Variants in PDE8B observed in about 807,000 individuals in gnomAD.
PDE8B encodes high affinity cAMP-specific and IBMX-insensitive 3',5'-cyclic phosphodiesterase 8B.
A neutral mutation model predicts 101.3 loss-of-function variants in PDE8B; 26 were observed. The observed-to-expected ratio is 0.26, with a 90% CI of 0.19 to 0.36. The LOEUF (loss-of-function observed/expected upper bound fraction) is 0.36. PDE8B is among the 10% of genes least tolerant of loss of function. The probability of loss-of-function intolerance (pLI) is 1.00; values close to 1 mark genes in which losing one functional copy is unlikely to be tolerated. For missense variants in PDE8B, 810 were observed against 1,163.1 expected, an observed-to-expected ratio of 0.70 and a Z score of 4.42; for synonymous variants, 424 against 429.3, an observed-to-expected ratio of 0.99 and a Z score of 0.15.
At chr5:77,426,053 C>T in intron 21 of PDE8B, 157 bp downstream of exon 21, 1 of 701,848 alleles carries the variant, frequency 1.4e-6, no homozygotes, top group Non-Finnish European at 2.5e-6. Flanking sequence ...GCATTCTTTG[C>T]ATCCCCAGCA....
upstream of PDE8B, among the ~76,000 whole-genome samples, chr5:77,209,736 G>C (rs542064709): frequency 9.9e-4 from 151 of 152,292 alleles, no homozygotes; most frequent in African/African-American, 3.5e-3. Context: ...AGTTGACATG[G>C]GCGGCTGGAC....
intron 1 of PDE8B, among the ~76,000 whole-genome samples, chr5:77,225,906 A>G (rs1232687576): frequency 2.0e-5 from 3 of 151,586 alleles, no homozygotes; most frequent in Admixed American, 1.3e-4. Context: ...TCAGAATACC[A>G]GTGATCAACA....
chr5:77,128,323 A>C, the PDE8B span, among the ~76,000 whole-genome samples: 5 of 152,198 alleles, frequency 3.3e-5, no homozygotes, highest in Admixed American at 2.0e-4. Flanking sequence ...CTACCTGCAA[A>C]GTATGCTTAG....
the PDE8B span, chr5:77,087,232 A>C: frequency 6.6e-6 from 1 of 152,312 alleles, no homozygotes; most frequent in Non-Finnish European, 1.5e-5. Context: ...CGTGCCCCTT[A>C]AAGACACAGC....
intron 1 of PDE8B, among the ~76,000 whole-genome samples, chr5:77,307,493 G>A (rs1771505152): frequency 6.6e-6 from 1 of 152,166 alleles, no homozygotes; most frequent in Admixed American, 6.5e-5. Context: ...TTCTCTGAAT[G>A]AAATGATGTA....
intron 10 of PDE8B, among the ~76,000 whole-genome samples, chr5:77,394,475 C>G (rs931051308): frequency 1.3e-5 from 2 of 152,150 alleles, no homozygotes; most frequent in Non-Finnish European, 2.9e-5. Flanking sequence ...CCCATATGCC[C>G]TAGTAAATGA....
At chr5:77,145,154 T>C in the PDE8B span, 1 of 152,060 alleles carries the variant, frequency 6.6e-6, no homozygotes, top group African/African-American at 2.4e-5. Flanking sequence ...TTTTAAATGC[T>C]ACAAATGCCT....
Position 77,325,522 on chromosome 5 carries a change from T to C in PDE8B, c.400-17T>C. ...GATGATGATTTATTTCAAGATGCCC[T>C]TTTTGTTGTGTTTCAGGTTTTGCTG... On this transcript the variant is annotated splice_polypyrimidine_tract_variant and intron_variant, in intron 2 of 21. Transcript: ENST00000264917. 6.2e-7 allele frequency: 1 copy of C among 1,611,796 alleles called. No homozygotes were observed. The highest frequency in any genetic ancestry group is 8.5e-7 in the Non-Finnish European group (1 of 1,177,836).
the PDE8B span, among the ~76,000 whole-genome samples, chr5:77,089,974 TC>T: frequency 6.6e-6 from 1 of 152,170 alleles, no homozygotes; most frequent in Non-Finnish European, 1.5e-5. Context: ...AAGAATGAAA[TC>T]CTGTCATTTG....
At chr5:77,090,897 G>A in the PDE8B span, among the ~76,000 whole-genome samples, 9 of 152,152 alleles carry the variant, frequency 5.9e-5, no homozygotes, top group South Asian at 1.9e-3. Flanking sequence ...ACTTCTTGGA[G>A]ATAGTATTTT....
chr5:77,400,580 C>T (rs1445745878), intron 11 of PDE8B, among the ~76,000 whole-genome samples: 9 of 152,042 alleles, frequency 5.9e-5, no homozygotes, highest in African/African-American at 2.2e-4. Context: ...GAGAGTGGGC[C>T]GAAAGTCTAG....
chr5:77,357,530 C>T (rs1171785976), intron 10 of PDE8B, among the ~76,000 whole-genome samples: 1 of 152,164 alleles, frequency 6.6e-6, no homozygotes, highest in East Asian at 1.9e-4. Context: ...AGGAGACTGC[C>T]CCACAGTTCT....
chr5:77,351,625 A>G (rs1490656829), intron 9 of PDE8B, among the ~76,000 whole-genome samples: 2 of 152,174 alleles, frequency 1.3e-5, no homozygotes, highest in South Asian at 2.1e-4. Context: ...AGCTGAGGGC[A>G]TCTCAATCCA....
At chr5:77,092,578 C>T in the PDE8B span, 1 of 152,144 alleles carries the variant, frequency 6.6e-6, no homozygotes, top group African/African-American at 2.4e-5. Context: ...TTTACTCTCC[C>T]TATTCTCTTC....
chr5:77,276,347 C>A (rs535140987), intron 1 of PDE8B, among the ~76,000 whole-genome samples: 1 of 152,336 alleles, frequency 6.6e-6, no homozygotes, highest in East Asian at 1.9e-4. Context: ...GCTCAAAGGC[C>A]TCTACCTCAG....
the PDE8B span, among the ~76,000 whole-genome samples, chr5:77,185,530 A>G: frequency 2.0e-5 from 3 of 152,126 alleles, no homozygotes; most frequent in East Asian, 5.8e-4. Context: ...ATACAGTTAC[A>G]TTCTGAGGTA....
intron 16 of PDE8B, 126 bp from the exon 17 acceptor site, chr5:77,412,985 T>C: frequency 1.2e-6 from 1 of 820,022 alleles, no homozygotes; most frequent in East Asian, 2.4e-5. Context: ...AGGAGATGCT[T>C]TTAAACCCCT....
At chr5:77,255,806 C>A (rs897767972) in intron 1 of PDE8B, among the ~76,000 whole-genome samples, 3 of 152,196 alleles carry the variant, frequency 2.0e-5, no homozygotes, top group Non-Finnish European at 4.4e-5. Flanking sequence ...TGGGGCCTCT[C>A]GTCTACTACA....
chr5:77,149,780 A>G, the PDE8B span, among the ~76,000 whole-genome samples: 205 of 152,300 alleles, frequency 1.3e-3, no homozygotes, highest in African/African-American at 4.7e-3. Context: ...TTCTATACGC[A>G]AGATTATGCC....
Sources: allele counts gnomAD v4.1 joint callset (sites outside exome capture counted in the v4.1 genomes callset), GRCh38; gene constraint gnomAD v4.1.1; transcripts MANE v1.5; gene names NCBI Gene and HGNC (gene_info 2026-07-23, HGNC 2026-07-21).